The following CCDC134 variants were observed in gnomAD, a reference collection of about 807,000 sequenced individuals.
CCDC134 encodes the protein coiled-coil domain-containing protein 134.
In CCDC134, 27 loss-of-function variants were observed where a neutral mutation model predicts 25.6. The observed-to-expected ratio is 1.05, with a 90% CI of 0.78 to 1.45. The LOEUF is 1.45. CCDC134 is among the 40% of genes most tolerant of loss of function. CCDC134 has a pLI of 0.00. For synonymous variants in CCDC134, 110 were observed against 115.0 expected, an observed-to-expected ratio of 0.96 and a Z score of 0.28; for missense variants, 261 against 286.7, an observed-to-expected ratio of 0.91 and a Z score of 0.65.
intron 5 of CCDC134, 125 bp downstream of exon 5, chr22:41,813,570 G>A: frequency 7.8e-7 from 1 of 1,284,418 alleles, no homozygotes; most frequent in Non-Finnish European, 1.1e-6. Context: ...GAGCTTCAGG[G>A]TATCTTGGGC....
intron 1 of CCDC134, among the ~76,000 whole-genome samples, chr22:41,806,940 G>A (rs112524762): frequency 0.17 from 25,222 of 152,018 alleles, 3,041 homozygotes; most frequent in Admixed American, 0.36. Context: ...CCAGCTACTC[G>A]GGAGGCTGAG....
Position 41,826,890 on chromosome 22 carries a change from A to G in CCDC134, c.*1067A>G, listed in dbSNP as rs955210316. 6.6e-6 allele frequency among the ~76,000 whole-genome samples: 1 copy of G among 152,202 alleles called. No homozygotes were observed. The highest frequency in any genetic ancestry group is 2.4e-5 in the African/African-American group (1 of 41,456). The stretch of plus-strand genomic sequence containing the variant: ...CTTGCCAAGTCAGGATCTGCCTCTT[A>G]AAGGAGCAGAGAAAACCATCCCAGA... On this transcript the variant is annotated 3_prime_UTR_variant, in exon 7 of 7. Coordinates refer to ENST00000255784, the MANE Select transcript of CCDC134 (RefSeq NM_024821.5).
At position 41,809,050 on chromosome 22, in the gene CCDC134, C is replaced by T. The variant is rs1054971040; in HGVS notation, c.103+57C>T. ...CTTTGAGAGGTCTATAAATGAGGTT[C>T]TTCTACTCAGGGATTCCAGGGATAA... On this transcript the variant is annotated intron_variant, in intron 2 of 6. Transcript: ENST00000255784. The T allele has an allele frequency of 5.6e-6, 8 of 1,419,106 alleles. No homozygotes were observed. The African/African-American group carries it at 8.6e-5, about 15-fold the overall frequency. 87.9% of individuals were successfully genotyped at this position (1,419,106 alleles called of 1,614,324 possible).
rs544599118 is a variant in CCDC134 at position 41,817,037 on chromosome 22, C to A, written c.564+3215C>A. Among the ~76,000 whole-genome samples the A allele has an allele frequency of 4.6e-5, 7 of 152,220 alleles. No individual in the cohort carries two copies. The South Asian group carries it at 1.4e-3, about 32-fold the overall frequency. On this transcript the variant is annotated intron_variant, in intron 6 of 6. Transcript: ENST00000255784. ...TCAGAAATGTCAGGTATGAATGGGA[C>A]CAGGGCATTTTTACAGATGTATAGA...
chr22:41,821,110 G>A (rs574532059), intron 6 of CCDC134, among the ~76,000 whole-genome samples: 48 of 152,158 alleles, frequency 3.2e-4, no homozygotes, highest in Non-Finnish European at 6.6e-4. Flanking sequence ...GGGAGGGAGC[G>A]ATCGGTGTGT....
At chr22:41,808,850 CTCTT>C (rs1569354163) in intron 1 of CCDC134, 21 bp from the exon 2 acceptor site, 3 of 1,547,404 alleles carry the variant, frequency 1.9e-6, no homozygotes, top group South Asian at 1.1e-5. Context: ...GAGTCTCACT[CTCTT>C]TCTTTGGGTT....
rs1358233206 is a variant in CCDC134 at position 41,826,518 on chromosome 22, T to G, written c.*695T>G. Among the ~76,000 whole-genome samples the G allele has an allele frequency of 1.3e-5, 2 of 152,208 alleles. No homozygotes were observed. The highest frequency in any genetic ancestry group is 4.8e-5 in the African/African-American group (2 of 41,478). On this transcript the variant is annotated 3_prime_UTR_variant, in exon 7 of 7. Transcript: ENST00000255784. Reference sequence around the variant, plus strand: ...AGTGCCCTGGGACCTGGGAAACATTTAGCTCAAGAAGACCTTGGAGCAACA... The same window carrying G: ...AGTGCCCTGGGACCTGGGAAACATTGAGCTCAAGAAGACCTTGGAGCAACA...
chr22:41,808,749 C>G, intron 1 of CCDC134, 126 bp from the exon 2 acceptor site: 7 of 740,504 alleles, frequency 9.5e-6, no homozygotes, highest in Non-Finnish European at 1.6e-5. Flanking sequence ...CAGGGCTCCC[C>G]AAAGCTGGGT....
In CCDC134 at chr22:41,828,085, A is replaced by G. The variant is rs1364680341; in HGVS notation, c.*2262A>G. ...TTCGGCTGGAGGTTCTTTCTACTGA[A>G]TAACTTCTACGGGCTCTGTCATTAG... On this transcript the variant is annotated 3_prime_UTR_variant, in exon 7 of 7. Transcript: ENST00000255784. Among the ~76,000 whole-genome samples, 2 of 152,226 alleles carry G rather than the reference A, an allele frequency of 1.3e-5. No homozygotes were observed. The highest frequency in any genetic ancestry group is 4.8e-5 in the African/African-American group (2 of 41,452).
At position 41,809,954 on chromosome 22, in the gene CCDC134, A is replaced by G; in HGVS notation, c.179A>G (p.His60Arg). 1 of 1,614,200 alleles carries G rather than the reference A, an allele frequency of 6.2e-7. No individual in the cohort carries two copies. Among genetic ancestry groups the G allele is most frequent in the Non-Finnish European group, 8.5e-7 (1 of 1,180,030 alleles). The change falls in exon 3 of 7, where the codon CAC becomes CGC. Residue 60 changes from histidine (H) to arginine (R), a missense_variant. By Grantham distance (29) the His-to-Arg change is conservative (BLOSUM62 0). Transcript: ENST00000255784. ...AACCTGGCACAGCTGAACGACATCC[A>G]CCAGCAGTACAAGATCCTTGATGTC... The part of the protein sequence containing the change: ...LKNLAQLNDI[H>R]QQYKILDVML...
At chr22:41,811,135 G>A (rs1211998298) in intron 4 of CCDC134, among the ~76,000 whole-genome samples, 1 of 152,136 alleles carries the variant, frequency 6.6e-6, no homozygotes, top group African/African-American at 2.4e-5. Flanking sequence ...TGACAGGCTG[G>A]CTCCAATAGG....
chr22:41,817,344 G>A (rs2076627336), intron 6 of CCDC134, among the ~76,000 whole-genome samples: 1 of 152,198 alleles, frequency 6.6e-6, no homozygotes, highest in Admixed American at 6.5e-5. Context: ...TCTTTTCAGA[G>A]ATTGAGCTTT....
chr22:41,822,308 G>A (rs554208832), intron 6 of CCDC134, among the ~76,000 whole-genome samples: 1 of 152,298 alleles, frequency 6.6e-6, no homozygotes, highest in African/African-American at 2.4e-5. Flanking sequence ...ATAAATTGAT[G>A]ACTAACCTAA....
chr22:41,805,462 T>C (rs1387195017), intron 1 of CCDC134, among the ~76,000 whole-genome samples: 1 of 152,208 alleles, frequency 6.6e-6, no homozygotes, highest in Non-Finnish European at 1.5e-5. Flanking sequence ...TTTTCTTGAA[T>C]AGTTTTCAAA....
intron 1 of CCDC134, among the ~76,000 whole-genome samples, chr22:41,807,446 C>T (rs2076573677): frequency 6.6e-6 from 1 of 151,664 alleles, no homozygotes; most frequent in South Asian, 2.1e-4. Flanking sequence ...CCTGTAGTGC[C>T]AGCTATTCAG....
At chr22:41,822,852 A>G (rs7364180) in intron 6 of CCDC134, among the ~76,000 whole-genome samples, 57,776 of 152,072 alleles carry the variant, frequency 0.38, 12,755 homozygotes, top group African/African-American at 0.58. Flanking sequence ...ACCACATGCT[A>G]TGTGACTCAC....
intron 6 of CCDC134, among the ~76,000 whole-genome samples, chr22:41,819,963 TTATATATATATATATATATATA>T (rs34213936): frequency 1.5e-4 from 12 of 82,628 alleles, no homozygotes; most frequent in Middle Eastern, 7.1e-3. Flanking sequence ...ACTTACCACT[TTATATATATATATATATATATA>T]TATATATATA....
At chr22:41,809,304 G>A (rs113219006) in intron 2 of CCDC134, among the ~76,000 whole-genome samples, 4 of 152,300 alleles carry the variant, frequency 2.6e-5, no homozygotes, top group African/African-American at 9.6e-5. Context: ...CTGGACCCTG[G>A]TGAACTGGGC....
intron 1 of CCDC134, among the ~76,000 whole-genome samples, chr22:41,807,735 G>A (rs2076575546): frequency 6.6e-6 from 1 of 152,166 alleles, no homozygotes; most frequent in Non-Finnish European, 1.5e-5. Flanking sequence ...ATAAATAATT[G>A]TGTTGGCTGG....
Sources: gnomAD v4.1 joint callset for allele counts (sites outside exome capture counted in the v4.1 genomes callset) on GRCh38, gnomAD v4.1.1 for gene constraint, MANE v1.5 for transcripts, NCBI Gene and HGNC (gene_info 2026-07-23, HGNC 2026-07-21) for gene names.